The following C16orf74 variants were observed in gnomAD, a reference collection of about 807,000 sequenced individuals.
The protein encoded by C16orf74 is calcimembrin.
In C16orf74, 10 loss-of-function variants were observed where a neutral mutation model predicts 6.5. The observed-to-expected ratio is 1.54, with a 90% CI of 0.95 to 2.61. The LOEUF (loss-of-function observed/expected upper bound fraction) is 2.61, where lower values mean the gene tolerates loss of function less well. Ranked by LOEUF, C16orf74 falls within the 30% of genes most tolerant of loss-of-function variation. The pLI is 0.00. For synonymous variants in C16orf74, 60 were observed against 42.5 expected (o/e 1.41, Z -1.60); for missense variants, 141 against 105.9 (o/e 1.33, Z -1.45).
chr16:85,746,927 T>A lies in C16orf74; in HGVS notation c.-19+3999A>T, dbSNP rs536782523. ...TGGGAAGCGATACTGCAAGCATTCA[T>A]GTGCTTCCATCCTGGTCTTCAGCTT... On this transcript the variant is annotated intron_variant, in intron 1 of 3. Transcript: ENST00000284245. 2.6e-5 allele frequency among the ~76,000 whole-genome samples: 4 copies of A among 152,348 alleles called. No individual in the cohort carries two copies. In the East Asian group the frequency reaches 5.8e-4, roughly 22 times the overall value.
chr16:85,745,790 G>A (rs184438312), intron 1 of C16orf74, among the ~76,000 whole-genome samples: 73 of 149,912 alleles, frequency 4.9e-4, no homozygotes, highest in Non-Finnish European at 8.3e-4. Context: ...GAGGGACCCT[G>A]CTTTCCAAAG....
chr16:85,742,611 G>A (rs1315471955), intron 1 of C16orf74, among the ~76,000 whole-genome samples: 2 of 151,986 alleles, frequency 1.3e-5, no homozygotes, highest in African/African-American at 4.8e-5. Context: ...GTGCGATCTC[G>A]GCTCACTGCA....
intron 2 of C16orf74, among the ~76,000 whole-genome samples, chr16:85,727,394 G>T (rs1042178292): frequency 3.9e-5 from 6 of 152,188 alleles, no homozygotes; most frequent in Admixed American, 3.3e-4. Context: ...ACAAAAACGA[G>T]GAGTGTCTGA....
At chr16:85,735,315 T>G in intron 1 of C16orf74, 80 bp from the exon 2 acceptor site, 1 of 1,012,980 alleles carries the variant, frequency 9.9e-7, no homozygotes, top group Non-Finnish European at 1.4e-6. Flanking sequence ...CCCCCACCCT[T>G]GGCCCTGATG....
At chr16:85,710,120 C>A (rs749180890) in intron 3 of C16orf74, 44 bp downstream of exon 3, 2 of 1,365,958 alleles carry the variant, frequency 1.5e-6, no homozygotes, top group African/African-American at 1.5e-5. Flanking sequence ...CTCCACCGGG[C>A]CCCCACAGCC....
At chr16:85,733,267 G>T (rs2054209615) in intron 2 of C16orf74, among the ~76,000 whole-genome samples, 1 of 152,220 alleles carries the variant, frequency 6.6e-6, no homozygotes, top group Non-Finnish European at 1.5e-5. Context: ...GATGAGCCTA[G>T]AAAACACCAC....
chr16:85,746,701 G>A (rs1355863237), intron 1 of C16orf74, among the ~76,000 whole-genome samples: 1 of 152,196 alleles, frequency 6.6e-6, no homozygotes, highest in African/African-American at 2.4e-5. Context: ...AATCCCAGTG[G>A]GGCAGGGTGG....
chr16:85,738,746 GGGCCCAGGCCTGTGGGAGC>G (rs1406894717), intron 1 of C16orf74, among the ~76,000 whole-genome samples: 2 of 152,030 alleles, frequency 1.3e-5, no homozygotes, highest in East Asian at 3.9e-4. Flanking sequence ...GAGGGACGGA[GGGCCCAGGCCTGTGGGAGC>G]GACAGGCACA....
intron 2 of C16orf74, among the ~76,000 whole-genome samples, chr16:85,729,748 G>A (rs1170245533): frequency 2.0e-5 from 3 of 152,180 alleles, no homozygotes; most frequent in African/African-American, 4.8e-5. Context: ...AGGGCAACAT[G>A]AAGAGAGGAA....
At chr16:85,734,283 C>G (rs1567809855) in intron 2 of C16orf74, among the ~76,000 whole-genome samples, 1 of 152,298 alleles carries the variant, frequency 6.6e-6, no homozygotes, top group East Asian at 1.9e-4. Flanking sequence ...ACGGGTCCGC[C>G]ATGATCCCCA....
In C16orf74 at chr16:85,724,972, G is replaced by A. The variant is rs540499230; in HGVS notation, c.28+10218C>T. Among the ~76,000 whole-genome samples the A allele has an allele frequency of 4.0e-5, 6 of 151,494 alleles. No individual in the cohort carries two copies. The South Asian group carries it at 6.3e-4, about 16-fold the overall frequency. On this transcript the variant is annotated intron_variant, in intron 2 of 3. Transcript: ENST00000284245. Reference sequence around the variant, plus strand: ...CAGCCAGGCTGACCTTCCCAGGCACGGCTGGAAATGGCGCTTCGTCTCCCA... The same window carrying A: ...CAGCCAGGCTGACCTTCCCAGGCACAGCTGGAAATGGCGCTTCGTCTCCCA...
At chr16:85,746,614 G>C (rs1005625281) in intron 1 of C16orf74, among the ~76,000 whole-genome samples, 2 of 152,198 alleles carry the variant, frequency 1.3e-5, no homozygotes, top group South Asian at 4.1e-4. Context: ...CCTCCTGGGA[G>C]GAGGACCCAG....
At chr16:85,749,956 A>T (rs1192908467) in intron 1 of C16orf74, among the ~76,000 whole-genome samples, 1 of 152,164 alleles carries the variant, frequency 6.6e-6, no homozygotes, top group Non-Finnish European at 1.5e-5. Context: ...GGGGGCGCAG[A>T]ACCCAAGGAG....
chr16:85,708,874 G>T (rs2053939032), intron 3 of C16orf74, among the ~76,000 whole-genome samples: 2 of 152,208 alleles, frequency 1.3e-5, no homozygotes. Flanking sequence ...TGGGTGCCTT[G>T]TCCCCTGCAT....
At chr16:85,740,691 CA>C (rs59658163) in intron 1 of C16orf74, among the ~76,000 whole-genome samples, 63 of 131,002 alleles carry the variant, frequency 4.8e-4, no homozygotes, top group African/African-American at 1.7e-3. Flanking sequence ...GACTCTGTTT[CA>C]AAAAAAAAAA....
At chr16:85,708,722 C>T (rs1468259809) in intron 3 of C16orf74, among the ~76,000 whole-genome samples, 1 of 152,260 alleles carries the variant, frequency 6.6e-6, no homozygotes, top group Non-Finnish European at 1.5e-5. Flanking sequence ...AGCACCTGCA[C>T]TGGCCCAACC....
At chr16:85,731,807 C>T (rs2054191314) in intron 2 of C16orf74, among the ~76,000 whole-genome samples, 1 of 152,150 alleles carries the variant, frequency 6.6e-6, no homozygotes, top group Non-Finnish European at 1.5e-5. Flanking sequence ...CCCACCTCCG[C>T]CTCCCAAGTG....
rs138035938 is a variant in C16orf74, at chr16:85,726,621, T to A, written c.28+8569A>T. Among the ~76,000 whole-genome samples, 842 of 152,286 alleles carry A rather than the reference T, an allele frequency of 5.5e-3. 7 individuals are homozygous for A. The highest frequency in any genetic ancestry group is 0.019 in the African/African-American group (810 of 41,562). ...CCTTGGCTATTTTCTAACTCCTGGT[T>A]CAGCGGGGACTGGATTCCACCATGT... On this transcript the variant is annotated intron_variant, in intron 2 of 3. Transcript: ENST00000284245.
chr16:85,750,984 G>A lies in C16orf74; in HGVS notation c.-77C>T, dbSNP rs973043295. 4.7e-5 allele frequency: 7 copies of A among 150,466 alleles called. No individual in the cohort carries two copies. Among genetic ancestry groups the A allele is most frequent in the African/African-American group, 1.7e-4 (7 of 41,324 alleles). The allele number at this position is 150,466 out of a possible 1,614,324, so 9.3% of individuals were successfully genotyped here. A position where few individuals can be genotyped will look rare whatever the true frequency, so the allele number is the denominator to read the frequency against. ...CGCCCGAGGCGCGCGAGGCCCGCCC[G>A]GGCGCTGGTGGTGGTGGCGGCGGCG... On this transcript the variant is annotated 5_prime_UTR_variant, in exon 1 of 4. Transcript: ENST00000284245.
Sources: allele counts gnomAD v4.1 joint callset (sites outside exome capture counted in the v4.1 genomes callset), GRCh38; gene constraint gnomAD v4.1.1; transcripts MANE v1.5; gene names NCBI Gene and HGNC (gene_info 2026-07-23, HGNC 2026-07-21).